The following FOCAD variants were observed in gnomAD, a reference collection of about 807,000 sequenced individuals.
The protein encoded by FOCAD is KIAA1797.
FOCAD carries 198 observed loss-of-function variants against 225.6 expected under a neutral mutation model. The ratio of observed to expected loss-of-function variants is 0.88; its 90% CI spans 0.78 to 0.99. The LOEUF is 0.99. Ranked by LOEUF, FOCAD falls within the 50% of genes least tolerant of loss-of-function variation. The pLI is 0.00. For synonymous variants in FOCAD, 897 were observed against 755.0 expected, an observed-to-expected ratio of 1.19 and a Z score of -3.08; for missense variants, 2,713 against 2,123.6, an observed-to-expected ratio of 1.28 and a Z score of -5.46.
At chr9:20,674,600 G>A (rs1295246946) in intron 2 of FOCAD, among the ~76,000 whole-genome samples, 1 of 152,196 alleles carries the variant, frequency 6.6e-6, no homozygotes, top group Non-Finnish European at 1.5e-5. Flanking sequence ...AGGCTGTGGT[G>A]CCACTTTGGA....
intron 18 of FOCAD, among the ~76,000 whole-genome samples, chr9:20,870,409 G>A (rs1160958263): frequency 6.6e-6 from 1 of 152,188 alleles, no homozygotes; most frequent in Admixed American, 6.5e-5. Flanking sequence ...TTGATTGAAA[G>A]GTTATCCGGC....
At position 20,886,588 on chromosome 9, in the gene FOCAD, A is replaced by G. The variant is rs185375404; in HGVS notation, c.2625+1358A>G. Among the ~76,000 whole-genome samples, 17 of 152,328 alleles carry G rather than the reference A, an allele frequency of 1.1e-4. 1 individual carries two copies. The highest frequency in any genetic ancestry group is 6.5e-5 in the Admixed American group (1 of 15,296). ...AGGTGTGTCCGAGATATAAGCACAGAAAATCTTTGGGTTAAGATACTTGTT... is the reference window on the plus strand; with the variant it reads ...AGGTGTGTCCGAGATATAAGCACAGGAAATCTTTGGGTTAAGATACTTGTT... On this transcript the variant is annotated intron_variant, in intron 21 of 43. Coordinates refer to ENST00000338382, the MANE Select transcript of FOCAD (RefSeq NM_001375567.1).
chr9:20,930,639 A>G (rs777772513), intron 27 of FOCAD, among the ~76,000 whole-genome samples: 8 of 152,276 alleles, frequency 5.3e-5, no homozygotes, highest in South Asian at 2.1e-4. Flanking sequence ...GTGAATTGCT[A>G]TTGATTTTGG....
At chr9:20,785,376 C>T (rs960823742) in intron 10 of FOCAD, among the ~76,000 whole-genome samples, 2 of 152,138 alleles carry the variant, frequency 1.3e-5, no homozygotes, top group African/African-American at 2.4e-5. Context: ...AATCCCTGCA[C>T]TCTTAGTCAT....
rs377233382 is a variant in FOCAD, at chr9:20,861,073, A to G, written c.1921-1505A>G. 9.2e-5 allele frequency among the ~76,000 whole-genome samples: 14 copies of G among 152,200 alleles called. 1 individual carries two copies. In the South Asian group the frequency reaches 2.9e-3, roughly 32 times the overall value. ...TTCTTCAAATCTCTTCTCAGGTCTTATCATCTCTTGATACCTTCCCTGATG... is the reference window on the plus strand; with the variant it reads ...TTCTTCAAATCTCTTCTCAGGTCTTGTCATCTCTTGATACCTTCCCTGATG... On this transcript the variant is annotated intron_variant, in intron 15 of 43. Transcript: ENST00000338382.
chr9:20,778,642 CT>C lies in FOCAD; in HGVS notation c.907-37del. ...TGTTACAAAGCCATGATTCTGGGAA[CT>C]TCTTTAACAACTCCTTTTTCCCCCT... On this transcript the variant is annotated intron_variant, in intron 8 of 43. Coordinates refer to ENST00000338382, the MANE Select transcript of FOCAD (RefSeq NM_001375567.1). 4.3e-6 allele frequency: 5 copies of C among 1,157,792 alleles called. No individual in the cohort carries two copies. In the Admixed American group the frequency reaches 8.7e-5, roughly 20 times the overall value. The allele number at this position is 1,157,792 out of a possible 1,614,324, so 71.7% of individuals were successfully genotyped here.
intron 11 of FOCAD, among the ~76,000 whole-genome samples, chr9:20,804,865 G>A (rs958244243): frequency 2.0e-5 from 3 of 151,828 alleles, no homozygotes; most frequent in African/African-American, 7.3e-5. Context: ...TCAGTGGCGG[G>A]GGGTGGGGGT....
chr9:20,711,764 G>A (rs1824870495), intron 1 of FOCAD, among the ~76,000 whole-genome samples: 1 of 152,206 alleles, frequency 6.6e-6, no homozygotes, highest in African/African-American at 2.4e-5. Flanking sequence ...AGCCTCCTAA[G>A]AGAAAGTATG....
At chr9:20,915,205 T>G in intron 23 of FOCAD, among the ~76,000 whole-genome samples, 1 of 151,988 alleles carries the variant, frequency 6.6e-6, no homozygotes, top group Non-Finnish European at 1.5e-5. Context: ...GAGAGGTGAA[T>G]TTAGGAAACA....
At chr9:20,826,532 T>C (rs187933250) in intron 15 of FOCAD, among the ~76,000 whole-genome samples, 1 of 152,202 alleles carries the variant, frequency 6.6e-6, no homozygotes, top group African/African-American at 2.4e-5. Context: ...ATATGGCCTA[T>C]TGTGGGGCTT....
intron 5 of FOCAD, 72 bp from the exon 6 acceptor site, chr9:20,758,018 C>A: frequency 1.1e-6 from 1 of 934,450 alleles, no homozygotes; most frequent in Non-Finnish European, 1.6e-6. Context: ...GGCTTCTTTG[C>A]TGCTATATTT....
chr9:20,920,051 T>G (rs1187073925), intron 24 of FOCAD, among the ~76,000 whole-genome samples: 10 of 151,916 alleles, frequency 6.6e-5, no homozygotes, highest in African/African-American at 1.7e-4. Context: ...GAAAATTTTC[T>G]CAACCTACTC....
chr9:20,962,709 T>C (rs1045450716), intron 35 of FOCAD, among the ~76,000 whole-genome samples: 1 of 152,212 alleles, frequency 6.6e-6, no homozygotes, highest in African/African-American at 2.4e-5. Flanking sequence ...ATACTGTTTA[T>C]ATCAGGGTTC....
rs1841184536 is a variant in FOCAD, at chr9:20,986,476, C to T, written c.4906+11C>T. 2 of 1,582,416 alleles carry T rather than the reference C, an allele frequency of 1.3e-6. No individual in the cohort carries two copies. Among genetic ancestry groups the T allele is most frequent in the Admixed American group, 1.8e-5 (1 of 54,480 alleles). ...GCCATGCCAATACGGGTGAGGACAC[C>T]CTGGGGTGAACATCAGAAACAGGAA... is the stretch of plus-strand genomic sequence containing the variant. On this transcript the variant is annotated intron_variant, in intron 40 of 43. Coordinates refer to ENST00000338382, the MANE Select transcript of FOCAD (RefSeq NM_001375567.1).
At chr9:20,768,022 C>G (rs1336639735) in intron 7 of FOCAD, among the ~76,000 whole-genome samples, 1 of 151,636 alleles carries the variant, frequency 6.6e-6, no homozygotes, top group African/African-American at 2.4e-5. Flanking sequence ...AGGAAGGGAT[C>G]CAGTTACAGC....
chr9:20,852,791 T>C (rs1827800274), intron 15 of FOCAD, among the ~76,000 whole-genome samples: 1 of 151,760 alleles, frequency 6.6e-6, no homozygotes, highest in Admixed American at 6.6e-5. Flanking sequence ...TTTAGCCCTT[T>C]TTAACATTTA....
chr9:20,784,333 G>C (rs1201589532), intron 10 of FOCAD, among the ~76,000 whole-genome samples: 1 of 152,198 alleles, frequency 6.6e-6, no homozygotes, highest in Non-Finnish European at 1.5e-5. Flanking sequence ...GCTCTCTATT[G>C]ACAAGGTCTA....
chr9:20,869,623 A>G (rs1829592845), intron 18 of FOCAD, among the ~76,000 whole-genome samples: 1 of 152,152 alleles, frequency 6.6e-6, no homozygotes, highest in Non-Finnish European at 1.5e-5. Context: ...ATACAATAAT[A>G]TGAGTTAAGA....
At chr9:20,957,463 A>AAC (rs1390612465) in intron 35 of FOCAD, 2 of 112,626 alleles carry the variant, frequency 1.8e-5, no homozygotes, top group Non-Finnish European at 3.8e-5. Flanking sequence ...AATTTTAGTG[A>AAC]ACATCTTTTC....
Sources: gnomAD v4.1 joint callset for allele counts (sites outside exome capture counted in the v4.1 genomes callset) on GRCh38, gnomAD v4.1.1 for gene constraint, MANE v1.5 for transcripts, NCBI Gene and HGNC (gene_info 2026-07-23, HGNC 2026-07-21) for gene names.